The following ZNF385D variants were observed in gnomAD, a reference collection of about 807,000 sequenced individuals.
ZNF385D encodes the protein zinc finger protein 659.
ZNF385D carries 15 observed loss-of-function variants against 35.8 expected under a neutral mutation model. The observed-to-expected ratio is 0.42, with a 90% CI of 0.28 to 0.64. The LOEUF is 0.64. ZNF385D is among the 30% of genes least tolerant of loss of function. The pLI is 0.23. For synonymous variants in ZNF385D, 212 were observed against 186.8 expected (o/e 1.13, Z -1.10); for missense variants, 474 against 494.6 (o/e 0.96, Z 0.39).
intron 3 of ZNF385D, among the ~76,000 whole-genome samples, chr3:21,853,694 A>T (rs1164348066): frequency 6.6e-6 from 1 of 151,688 alleles, no homozygotes; most frequent in Non-Finnish European, 1.5e-5. Context: ...TGTTAATGTG[A>T]CTCTTGACAT....
At chr3:21,915,566 A>T (rs1351577339) in intron 3 of ZNF385D, among the ~76,000 whole-genome samples, 1 of 152,084 alleles carries the variant, frequency 6.6e-6, no homozygotes, top group African/African-American at 2.4e-5. Context: ...GCTTTGTATT[A>T]GTGTTTACGG....
At chr3:22,268,249 G>A (rs1190402960) in intron 2 of ZNF385D, among the ~76,000 whole-genome samples, 1 of 151,872 alleles carries the variant, frequency 6.6e-6, no homozygotes, top group Non-Finnish European at 1.5e-5. Context: ...GCACAAATCA[G>A]CCATGTTCTT....
At chr3:21,442,211 G>T (rs577167309) in intron 4 of ZNF385D, among the ~76,000 whole-genome samples, 1 of 152,222 alleles carries the variant, frequency 6.6e-6, no homozygotes, top group Non-Finnish European at 1.5e-5. Context: ...CATGGTCTGG[G>T]CAAGAAATTT....
At chr3:22,037,173 C>T (rs1014753504) in intron 3 of ZNF385D, among the ~76,000 whole-genome samples, 25 of 151,624 alleles carry the variant, frequency 1.6e-4, no homozygotes, top group Middle Eastern at 3.4e-3. Context: ...AATAAACATA[C>T]GTGTGCATGT....
intron 3 of ZNF385D, among the ~76,000 whole-genome samples, chr3:21,764,829 A>T (rs550216808): frequency 1.7e-4 from 26 of 152,254 alleles, no homozygotes; most frequent in African/African-American, 6.0e-4. Flanking sequence ...AAGTTTTTAC[A>T]TTTATATGCA....
chr3:22,105,307 CT>C (rs71618882), intron 3 of ZNF385D, among the ~76,000 whole-genome samples: 88 of 143,874 alleles, frequency 6.1e-4, no homozygotes, highest in South Asian at 1.6e-3. Flanking sequence ...TGCATATTGC[CT>C]TTTTTTTTTC....
chr3:22,237,273 T>C (rs2728998), intron 2 of ZNF385D, among the ~76,000 whole-genome samples: 133,819 of 152,200 alleles, frequency 0.88, 59,174 homozygotes, highest in East Asian at 0.98. Context: ...TACCTAATTT[T>C]AAATGAGTTG....
At chr3:21,855,504 A>G (rs1696658857) in intron 3 of ZNF385D, among the ~76,000 whole-genome samples, 1 of 152,016 alleles carries the variant, frequency 6.6e-6, no homozygotes, top group Admixed American at 6.6e-5. Flanking sequence ...TCTAGATTCC[A>G]TTGCTTTCCT....
At chr3:21,532,039 C>T (rs1358219536) in intron 3 of ZNF385D, among the ~76,000 whole-genome samples, 1 of 151,688 alleles carries the variant, frequency 6.6e-6, no homozygotes, top group Non-Finnish European at 1.5e-5. Context: ...CTACTGTGAG[C>T]TTCAAACTGC....
intron 3 of ZNF385D, among the ~76,000 whole-genome samples, chr3:21,756,834 A>G (rs1337687766): frequency 3.3e-5 from 5 of 152,214 alleles, no homozygotes; most frequent in Admixed American, 2.0e-4. Flanking sequence ...AATTAAATAA[A>G]TAAGCTGTCC....
At chr3:21,761,902 C>T (rs868104209) in intron 3 of ZNF385D, among the ~76,000 whole-genome samples, 54 of 97,612 alleles carry the variant, frequency 5.5e-4, no homozygotes, top group African/African-American at 2.1e-3. Flanking sequence ...TTTTTTGAGA[C>T]GGAGTCTCGC....
chr3:22,031,977 A>G (rs1698028993), intron 3 of ZNF385D, among the ~76,000 whole-genome samples: 1 of 152,164 alleles, frequency 6.6e-6, no homozygotes, highest in Non-Finnish European at 1.5e-5. Context: ...CTCAAGTTCA[A>G]AGTTCCACAG....
chr3:22,015,480 T>C (rs1290252384), intron 3 of ZNF385D, among the ~76,000 whole-genome samples: 1 of 152,072 alleles, frequency 6.6e-6, no homozygotes, highest in African/African-American at 2.4e-5. Flanking sequence ...CACAGCTCAC[T>C]GTCATTCATT....
At chr3:22,009,282 TGTGG>T (rs1435798998) in intron 3 of ZNF385D, among the ~76,000 whole-genome samples, 1 of 144,200 alleles carries the variant, frequency 6.9e-6, no homozygotes, top group Non-Finnish European at 1.5e-5. Flanking sequence ...GAGAATAAAT[TGTGG>T]TATAGTTATA....
chr3:22,296,721 G>C (rs939691626), intron 2 of ZNF385D, among the ~76,000 whole-genome samples: 3 of 152,086 alleles, frequency 2.0e-5, no homozygotes, highest in African/African-American at 7.2e-5. Flanking sequence ...CTCTGCAGCT[G>C]ACATAGAAAC....
At chr3:21,508,979 TTTTC>T (rs746023295) in intron 4 of ZNF385D, among the ~76,000 whole-genome samples, 7 of 146,892 alleles carry the variant, frequency 4.8e-5, no homozygotes, top group South Asian at 2.2e-4. Context: ...CTTTTTTTTT[TTTTC>T]TTTTTCTTTT....
At chr3:22,311,314 G>A (rs1031946427) in intron 2 of ZNF385D, among the ~76,000 whole-genome samples, 1 of 151,936 alleles carries the variant, frequency 6.6e-6, no homozygotes, top group African/African-American at 2.4e-5. Context: ...TTGATTTTAT[G>A]TGAGTGTGAT....
chr3:21,683,637 A>T (rs2066987820), intron 1 of ZNF385D, among the ~76,000 whole-genome samples: 1 of 149,726 alleles, frequency 6.7e-6, no homozygotes, highest in Admixed American at 6.7e-5. Flanking sequence ...GAGATTGTTC[A>T]TGTGGGTGTG....
chr3:22,119,120 T>A (rs1689147683), intron 3 of ZNF385D, among the ~76,000 whole-genome samples: 1 of 152,158 alleles, frequency 6.6e-6, no homozygotes, highest in Non-Finnish European at 1.5e-5. Context: ...GGATAGGACG[T>A]CCTGTGGTGC....
Sources: gnomAD v4.1 joint callset for allele counts (sites outside exome capture counted in the v4.1 genomes callset) on GRCh38, gnomAD v4.1.1 for gene constraint, MANE v1.5 for transcripts, NCBI Gene and HGNC (gene_info 2026-07-23, HGNC 2026-07-21) for gene names.